The following DOCK4 variants were observed in gnomAD, a reference collection of about 807,000 sequenced individuals.
DOCK4 encodes dedicator of cytokinesis 4.
DOCK4 carries 97 observed loss-of-function variants against 268.1 expected under a neutral mutation model. The observed-to-expected ratio is 0.36, with a 90% CI of 0.31 to 0.43. DOCK4 has a LOEUF of 0.43. Among genes scored for constraint, DOCK4 ranks in the 20% least tolerant of loss-of-function variants. The pLI is 1.00. For synonymous variants in DOCK4, 954 were observed against 887.2 expected (o/e 1.08, Z -1.34); for missense variants, 2,145 against 2,455.7 (o/e 0.87, Z 2.67).
intron 1 of DOCK4, among the ~76,000 whole-genome samples, chr7:112,163,325 C>T (rs1198511658): frequency 5.9e-5 from 9 of 152,084 alleles, no homozygotes; most frequent in Admixed American, 5.9e-4. Context: ...GCTCCACTCT[C>T]ATCAATGCCC....
At chr7:111,937,425 T>C (rs1794828747) in intron 11 of DOCK4, among the ~76,000 whole-genome samples, 1 of 152,160 alleles carries the variant, frequency 6.6e-6, no homozygotes, top group African/African-American at 2.4e-5. Context: ...ATTTGATGCT[T>C]ATGGAAAAGC....
At chr7:111,755,930 C>T (rs1312961449) in intron 41 of DOCK4, among the ~76,000 whole-genome samples, 2 of 152,226 alleles carry the variant, frequency 1.3e-5, no homozygotes, top group Non-Finnish European at 2.9e-5. Flanking sequence ...CACTCCTTAA[C>T]ATCTAACCAC....
intron 1 of DOCK4, among the ~76,000 whole-genome samples, chr7:112,011,780 A>G (rs1801346596): frequency 6.6e-6 from 1 of 151,174 alleles, no homozygotes; most frequent in African/African-American, 2.4e-5. Flanking sequence ...TTTAAGTTTA[A>G]GCTGATTATT....
intron 30 of DOCK4, among the ~76,000 whole-genome samples, chr7:111,792,539 C>A (rs556005407): frequency 1.3e-5 from 2 of 152,222 alleles, no homozygotes; most frequent in African/African-American, 2.4e-5. Context: ...CGCACCACCA[C>A]GCCCAGCTAA....
At chr7:111,733,996 G>A (rs1795293594) in intron 51 of DOCK4, among the ~76,000 whole-genome samples, 1 of 152,132 alleles carries the variant, frequency 6.6e-6, no homozygotes, top group Non-Finnish European at 1.5e-5. Flanking sequence ...AGAGTGCAGT[G>A]GCTCAATCTT....
intron 23 of DOCK4, among the ~76,000 whole-genome samples, chr7:111,858,466 C>T (rs963816113): frequency 9.2e-5 from 14 of 152,138 alleles, no homozygotes; most frequent in African/African-American, 3.4e-4. Flanking sequence ...AGTAAACTGT[C>T]CTCCCCAATG....
chr7:112,078,185 GT>G (rs982736972), intron 1 of DOCK4, among the ~76,000 whole-genome samples: 1 of 151,984 alleles, frequency 6.6e-6, no homozygotes, highest in Admixed American at 6.6e-5. Flanking sequence ...TATCTCTCAT[GT>G]TTTTTTAAAT....
chr7:112,090,613 A>T (rs1342051694), intron 1 of DOCK4, among the ~76,000 whole-genome samples: 4 of 152,194 alleles, frequency 2.6e-5, no homozygotes, highest in African/African-American at 9.6e-5. Flanking sequence ...TTAGGTTTTG[A>T]AAAGGTTAAA....
intron 27 of DOCK4, among the ~76,000 whole-genome samples, chr7:111,818,858 T>C (rs1198486097): frequency 6.6e-6 from 1 of 152,240 alleles, no homozygotes; most frequent in Non-Finnish European, 1.5e-5. Flanking sequence ...TACCCCCTGC[T>C]AAGCTTTCAG....
At chr7:112,179,362 G>A (rs951085478) in intron 1 of DOCK4, among the ~76,000 whole-genome samples, 15 of 130,852 alleles carry the variant, frequency 1.1e-4, no homozygotes, top group East Asian at 9.2e-4. Flanking sequence ...CTCCAGCCTG[G>A]GAAACAGGGC....
At chr7:112,034,926 A>C (rs982325682) in intron 1 of DOCK4, among the ~76,000 whole-genome samples, 2 of 152,162 alleles carry the variant, frequency 1.3e-5, no homozygotes, top group East Asian at 3.9e-4. Context: ...CAAACAAAAA[A>C]AACAACTTAA....
chr7:111,868,183 T>C (rs1473254731), intron 21 of DOCK4, 29 bp from the exon 22 acceptor site: 4 of 1,518,546 alleles, frequency 2.6e-6, no homozygotes, highest in African/African-American at 1.4e-5. Context: ...AAAAGTTAGC[T>C]TCAAAGGAGA....
chr7:112,024,937 A>G (rs254869), intron 1 of DOCK4, among the ~76,000 whole-genome samples: 56,389 of 152,030 alleles, frequency 0.37, 13,323 homozygotes, highest in East Asian at 0.65. Context: ...ACAGAACTTC[A>G]CAGGAAAGGA....
At chr7:111,959,043 T>C (rs1293307068) in intron 8 of DOCK4, among the ~76,000 whole-genome samples, 2 of 152,156 alleles carry the variant, frequency 1.3e-5, no homozygotes, top group African/African-American at 2.4e-5. Context: ...CCACATTTCA[T>C]GCACCTGCTG....
At chr7:111,913,297 CTG>C (rs1389014291) in intron 13 of DOCK4, among the ~76,000 whole-genome samples, 1 of 151,872 alleles carries the variant, frequency 6.6e-6, no homozygotes, top group Non-Finnish European at 1.5e-5. Flanking sequence ...GGGCCAGGCA[CTG>C]TGGCTCAAGC....
chr7:111,890,204 T>A (rs879806781), intron 16 of DOCK4, among the ~76,000 whole-genome samples: 2 of 152,232 alleles, frequency 1.3e-5, no homozygotes, highest in Non-Finnish European at 2.9e-5. Flanking sequence ...TCATTCTTTT[T>A]TATTTTATTT....
At chr7:112,089,355 TTGACAC>T (rs1809412143) in intron 1 of DOCK4, among the ~76,000 whole-genome samples, 1 of 152,154 alleles carries the variant, frequency 6.6e-6, no homozygotes, top group African/African-American at 2.4e-5. Flanking sequence ...CTTTGCCCTG[TTGACAC>T]TGACCTCCCA....
intron 27 of DOCK4, among the ~76,000 whole-genome samples, chr7:111,813,139 G>T (rs774478947): frequency 4.6e-5 from 7 of 152,114 alleles, no homozygotes; most frequent in Non-Finnish European, 8.8e-5. Flanking sequence ...TATATAAATT[G>T]TCGATATTTA....
At chr7:111,821,795 G>A (rs1290949274) in intron 27 of DOCK4, 1 of 152,224 alleles carries the variant, frequency 6.6e-6, no homozygotes, top group East Asian at 1.9e-4. Context: ...CAAAGGTCAT[G>A]TCTTATTCCC....
Sources: gnomAD v4.1 joint callset for allele counts (sites outside exome capture counted in the v4.1 genomes callset) on GRCh38, gnomAD v4.1.1 for gene constraint, MANE v1.5 for transcripts, NCBI Gene and HGNC (gene_info 2026-07-23, HGNC 2026-07-21) for gene names.